ERBB4: variants seen among roughly 807,000 people sequenced by gnomAD.
ERBB4 encodes receptor tyrosine-protein kinase erbB-4.
A neutral mutation model predicts 158.0 loss-of-function variants in ERBB4; 42 were observed. The ratio of observed to expected loss-of-function variants is 0.27; its 90% CI spans 0.21 to 0.34. The LOEUF is 0.34. Among genes scored for constraint, ERBB4 ranks in the 10% least tolerant of loss-of-function variants. The pLI is 1.00. For synonymous variants in ERBB4, 583 were observed against 558.7 expected (o/e 1.04, Z -0.61); for missense variants, 1,333 against 1,624.1 (o/e 0.82, Z 3.08).
intron 3 of ERBB4, among the ~76,000 whole-genome samples, chr2:211,920,479 C>T (rs2079828881): frequency 6.6e-6 from 1 of 151,852 alleles, no homozygotes; most frequent in African/African-American, 2.4e-5. Context: ...GTTTATTACT[C>T]CCAACATACA....
intron 3 of ERBB4, among the ~76,000 whole-genome samples, chr2:211,922,394 G>A (rs992202785): frequency 1.3e-5 from 2 of 152,030 alleles, no homozygotes; most frequent in Non-Finnish European, 2.9e-5. Flanking sequence ...CTCTGAATAT[G>A]TAGGAAAAAA....
intron 1 of ERBB4, among the ~76,000 whole-genome samples, chr2:212,513,821 A>ATAAG (rs931870532): frequency 2.7e-4 from 41 of 152,282 alleles, no homozygotes; most frequent in Middle Eastern, 6.8e-3. Context: ...CAAAAAATAA[A>ATAAG]TAAATAAATA....
At chr2:212,037,418 A>G (rs2077040984) in intron 2 of ERBB4, among the ~76,000 whole-genome samples, 1 of 152,226 alleles carries the variant, frequency 6.6e-6, no homozygotes, top group Non-Finnish European at 1.5e-5. Context: ...AGAGTTACCA[A>G]GAAAAGGTAA....
At chr2:211,563,072 TG>T (rs2067450252) in intron 19 of ERBB4, among the ~76,000 whole-genome samples, 1 of 152,114 alleles carries the variant, frequency 6.6e-6, no homozygotes, top group Non-Finnish European at 1.5e-5. Flanking sequence ...ATGAGAAAAC[TG>T]AGTTATAATT....
chr2:211,418,869 T>C (rs2063452517), intron 25 of ERBB4, among the ~76,000 whole-genome samples: 1 of 152,026 alleles, frequency 6.6e-6, no homozygotes, highest in African/African-American at 2.4e-5. Context: ...TTGATCTAAT[T>C]TTTAAAACTT....
intron 19 of ERBB4, among the ~76,000 whole-genome samples, chr2:211,610,721 G>T (rs1184173311): frequency 6.6e-6 from 1 of 152,120 alleles, no homozygotes; most frequent in East Asian, 1.9e-4. Flanking sequence ...TAGAGAGCTG[G>T]AAAATACCTA....
At chr2:211,879,268 A>G (rs373453975) in intron 3 of ERBB4, among the ~76,000 whole-genome samples, 21 of 152,308 alleles carry the variant, frequency 1.4e-4, no homozygotes, top group African/African-American at 4.1e-4. Flanking sequence ...TATTTGCAAC[A>G]TTAATGATAG....
intron 1 of ERBB4, among the ~76,000 whole-genome samples, chr2:212,500,011 A>T (rs1198398808): frequency 1.3e-5 from 2 of 152,076 alleles, no homozygotes; most frequent in Non-Finnish European, 2.9e-5. Flanking sequence ...TAAATACAAA[A>T]CATGTTGAAC....
intron 20 of ERBB4, among the ~76,000 whole-genome samples, chr2:211,480,737 C>G (rs1240790553): frequency 6.6e-6 from 1 of 152,150 alleles, no homozygotes; most frequent in African/African-American, 2.4e-5. Flanking sequence ...TTAGGCGTCA[C>G]AGTTTTTATC....
At chr2:212,408,909 G>A (rs2091423042) in intron 1 of ERBB4, among the ~76,000 whole-genome samples, 1 of 152,168 alleles carries the variant, frequency 6.6e-6, no homozygotes, top group Non-Finnish European at 1.5e-5. Flanking sequence ...GTGATCAGCA[G>A]CAGCAATGCC....
At chr2:212,218,415 C>CTGTT (rs1228105294) in intron 1 of ERBB4, among the ~76,000 whole-genome samples, 12 of 151,268 alleles carry the variant, frequency 7.9e-5, no homozygotes, top group Admixed American at 7.3e-4. Flanking sequence ...TTTTGTCTGT[C>CTGTT]TGTTTGTTTG....
chr2:212,298,778 T>C (rs1021973291), intron 1 of ERBB4, among the ~76,000 whole-genome samples: 29 of 151,890 alleles, frequency 1.9e-4, no homozygotes, highest in African/African-American at 6.7e-4. Flanking sequence ...AGCAAAATGA[T>C]TTTTTTGTTG....
chr2:212,296,700 T>C (rs1314304733), intron 1 of ERBB4, among the ~76,000 whole-genome samples: 1 of 151,880 alleles, frequency 6.6e-6, no homozygotes, highest in Non-Finnish European at 1.5e-5. Flanking sequence ...ATGTAGACAA[T>C]CTGAGGAAAT....
intron 25 of ERBB4, among the ~76,000 whole-genome samples, chr2:211,395,522 T>C (rs1380014117): frequency 5.3e-5 from 8 of 152,050 alleles, no homozygotes; most frequent in Non-Finnish European, 1.2e-4. Flanking sequence ...ATTTTTTAAA[T>C]ATAGCTGAAA....
chr2:211,504,296 C>A (rs2065690433), intron 20 of ERBB4, among the ~76,000 whole-genome samples: 1 of 151,998 alleles, frequency 6.6e-6, no homozygotes, highest in Non-Finnish European at 1.5e-5. Context: ...CTACTAAAAC[C>A]TACAAACAAT....
chr2:212,276,640 T>C (rs1406007385), intron 1 of ERBB4, among the ~76,000 whole-genome samples: 2 of 151,962 alleles, frequency 1.3e-5, no homozygotes, highest in East Asian at 1.9e-4. Flanking sequence ...TAACTATTCA[T>C]ACTCATTCCT....
intron 1 of ERBB4, among the ~76,000 whole-genome samples, chr2:212,200,648 C>T (rs1292365995): frequency 6.6e-6 from 1 of 152,132 alleles, no homozygotes; most frequent in Non-Finnish European, 1.5e-5. Flanking sequence ...TGGATAGCAA[C>T]TTTGCAATAC....
intron 2 of ERBB4, among the ~76,000 whole-genome samples, chr2:211,985,790 T>C (rs976226871): frequency 3.9e-5 from 6 of 152,106 alleles, no homozygotes; most frequent in Non-Finnish European, 1.5e-5. Flanking sequence ...GCAGTCATAC[T>C]AAAAATCTTG....
chr2:212,340,900 CATCT>C (rs1486114347), intron 1 of ERBB4, among the ~76,000 whole-genome samples: 1 of 152,112 alleles, frequency 6.6e-6, no homozygotes, highest in Non-Finnish European at 1.5e-5. Context: ...TTATTTTTAT[CATCT>C]ATCTCAGTTA....
Sources: gnomAD v4.1 joint callset for allele counts (sites outside exome capture counted in the v4.1 genomes callset) on GRCh38, gnomAD v4.1.1 for gene constraint, MANE v1.5 for transcripts, NCBI Gene and HGNC (gene_info 2026-07-23, HGNC 2026-07-21) for gene names.